AGAP3: variants seen among roughly 807,000 people sequenced by gnomAD.
The protein encoded by AGAP3 is arf-GAP with GTPase, ANK repeat and PH domain-containing protein 3.
A neutral mutation model predicts 96.9 loss-of-function variants in AGAP3; 24 were observed. That is an observed-to-expected ratio of 0.25 (90% CI 0.18 to 0.35). AGAP3 has a LOEUF of 0.35. Ranked by LOEUF, AGAP3 falls within the 10% of genes least tolerant of loss-of-function variation. The pLI is 1.00. For synonymous variants in AGAP3, 563 were observed against 536.1 expected (o/e 1.05, Z -0.69); for missense variants, 876 against 1,254.2 (o/e 0.70, Z 4.55).
chr7:151,134,688 C>A, intron 11 of AGAP3, 120 bp downstream of exon 11: 1 of 1,052,316 alleles, frequency 9.5e-7, no homozygotes. Flanking sequence ...CATCACACTT[C>A]AAGGTCATCT....
chr7:151,089,544 G>A (rs1324044358), intron 1 of AGAP3, among the ~76,000 whole-genome samples: 5 of 152,184 alleles, frequency 3.3e-5, no homozygotes, highest in Non-Finnish European at 7.3e-5. Context: ...AGCTCTGAAG[G>A]TGACGTGGGA....
intron 1 of AGAP3, among the ~76,000 whole-genome samples, chr7:151,104,990 C>T (rs961243185): frequency 1.1e-4 from 16 of 152,132 alleles, no homozygotes; most frequent in African/African-American, 3.1e-4. Context: ...TGAACTGCAG[C>T]GTGAGCAGGA....
In AGAP3 at chr7:151,118,062, A is replaced by T. The variant is rs2150471999; in HGVS notation, c.707-148A>T. The T allele has an allele frequency of 8.8e-7, 1 of 1,130,820 alleles. No homozygotes were observed. Among genetic ancestry groups the T allele is most frequent in the Non-Finnish European group, 1.2e-6 (1 of 804,068 alleles). 70.0% of individuals were successfully genotyped at this position (1,130,820 alleles called of 1,614,324 possible). A position where few individuals can be genotyped will look rare whatever the true frequency, so the allele number is the denominator to read the frequency against. On this transcript the variant is annotated intron_variant, in intron 5 of 17. Coordinates refer to ENST00000397238, the MANE Select transcript of AGAP3 (RefSeq NM_031946.7). The surrounding 1 kb of genome is among the most constrained non-coding windows in gnomAD (Gnocchi z 6.1). The stretch of plus-strand genomic sequence containing the variant: ...CTCAGTGAGGCCATGGAAGGGTTGA[A>T]ATGAGACCCAGGCACCCGCGTTCTT...
rs1349360818 is a variant in AGAP3 at position 151,140,714 on chromosome 7, A to G, written c.1804+598A>G. 6.6e-6 allele frequency: 1 copy of G among 152,170 alleles called. No homozygotes were observed. The highest frequency in any genetic ancestry group is 1.5e-5 in the Non-Finnish European group (1 of 68,050). 9.4% of individuals were successfully genotyped at this position (152,170 alleles called of 1,614,324 possible). The stretch of plus-strand genomic sequence containing the variant: ...ATAATTTCTCACTTCTGCTCTAATC[A>G]TCAGGGTAGACGTATGGGTCAGGGG... On this transcript the variant is annotated intron_variant, in intron 13 of 17. Coordinates refer to ENST00000397238, the MANE Select transcript of AGAP3 (RefSeq NM_031946.7). The surrounding 1 kb of genome is among the most constrained non-coding windows in gnomAD (Gnocchi z 5.4).
intron 1 of AGAP3, among the ~76,000 whole-genome samples, chr7:151,115,885 G>T (rs906211692): frequency 3.7e-4 from 56 of 152,216 alleles, no homozygotes; most frequent in African/African-American, 1.4e-3. Context: ...AGAGGGCTCT[G>T]GGCTAGGCCA....
In AGAP3 at chr7:151,116,870, C is replaced by T. The variant is rs745318269; in HGVS notation, c.390+19C>T. 1.1e-5 allele frequency: 17 copies of T among 1,612,578 alleles called. 1 individual carries two copies. The South Asian group carries it at 1.6e-4, about 16-fold the overall frequency. On this transcript the variant is annotated intron_variant, in intron 2 of 17. Coordinates refer to ENST00000397238, the MANE Select transcript of AGAP3 (RefSeq NM_031946.7). ...TAAAGTGGTGAGTGTGGCCCATGGGCAGCACCGGCGGCCTGGAGCTGGGGG... is the reference window on the plus strand; with the variant it reads ...TAAAGTGGTGAGTGTGGCCCATGGGTAGCACCGGCGGCCTGGAGCTGGGGG...
intron 7 of AGAP3, among the ~76,000 whole-genome samples, chr7:151,119,747 C>T (rs1224478842): frequency 2.0e-5 from 3 of 152,162 alleles, no homozygotes; most frequent in Admixed American, 6.5e-5. Flanking sequence ...GCACTCCTGC[C>T]GGGGCCCCAG....
At chr7:151,115,306 C>T in intron 1 of AGAP3, 1 of 1,005,640 alleles carries the variant, frequency 9.9e-7, no homozygotes, top group Admixed American at 6.0e-5. Context: ...CCGGAGGGGC[C>T]CCGGCGCGGC....
chr7:151,117,287 C>G, intron 3 of AGAP3, 84 bp from the exon 4 acceptor site: 1 of 1,597,218 alleles, frequency 6.3e-7, no homozygotes, highest in Non-Finnish European at 8.6e-7. Context: ...GTCCTCTTCC[C>G]TCCCGCATGG....
At position 151,114,886 on chromosome 7, in the gene AGAP3, C is replaced by T. The variant is rs1384913976; in HGVS notation, c.332-1907C>T. On this transcript the variant is annotated intron_variant, in intron 1 of 17. Transcript: ENST00000397238. This position sits in a 1 kb window ranked among gnomAD's most constrained non-coding sequence, Gnocchi z 4.4. ...CTGCACGGCGCCTCGGCCGGCCGCGCTGCCGCCGCCCTGCAGGCCGCCCTC... is the reference window on the plus strand; with the variant it reads ...CTGCACGGCGCCTCGGCCGGCCGCGTTGCCGCCGCCCTGCAGGCCGCCCTC... The T allele has an allele frequency of 2.0e-5, 20 of 1,005,676 alleles. No homozygotes were observed. Among genetic ancestry groups the T allele is most frequent in the Non-Finnish European group, 2.4e-5 (20 of 846,234 alleles). The allele number at this position is 1,005,676 out of a possible 1,614,324, so 62.3% of individuals were successfully genotyped here.
intron 9 of AGAP3, 70 bp downstream of exon 9, chr7:151,123,956 C>G: frequency 6.7e-7 from 1 of 1,482,662 alleles, no homozygotes; most frequent in Non-Finnish European, 9.2e-7. Context: ...TTCCCAGGGC[C>G]TCTTCTCAGG....
intron 11 of AGAP3, chr7:151,136,571 A>G (rs888891279): frequency 6.6e-6 from 1 of 152,266 alleles, no homozygotes; most frequent in African/African-American, 2.4e-5. Context: ...GGACTAATTG[A>G]TGGCTCCATG....
chr7:151,097,643 G>T (rs1192488324), intron 1 of AGAP3, among the ~76,000 whole-genome samples: 1 of 152,044 alleles, frequency 6.6e-6, no homozygotes, highest in Non-Finnish European at 1.5e-5. Context: ...TTTTACGGGT[G>T]GCAGAAAGCA....
intron 1 of AGAP3, among the ~76,000 whole-genome samples, chr7:151,089,329 T>C (rs1040702145): frequency 5.3e-5 from 8 of 152,074 alleles, no homozygotes; most frequent in African/African-American, 1.9e-4. Flanking sequence ...CCGAGCACAG[T>C]CTGAGGCTGG....
intron 1 of AGAP3, among the ~76,000 whole-genome samples, chr7:151,088,486 AT>A (rs1585027204): frequency 6.6e-6 from 1 of 152,152 alleles, no homozygotes; most frequent in East Asian, 1.9e-4. Flanking sequence ...GAGATGACCA[AT>A]TTTTCCTCTT....
intron 1 of AGAP3, among the ~76,000 whole-genome samples, chr7:151,104,691 A>G (rs1798971463): frequency 6.6e-6 from 1 of 152,224 alleles, no homozygotes; most frequent in South Asian, 2.1e-4. Context: ...GAGCAGGAGA[A>G]GGGATTGCTA....
At chr7:151,115,060 C>T (rs1166906165) in intron 1 of AGAP3, 24 of 1,012,606 alleles carry the variant, frequency 2.4e-5, no homozygotes, top group South Asian at 3.8e-5. Flanking sequence ...CCGCCCGTCT[C>T]GCCTGCGCCC....
In AGAP3 at chr7:151,140,295, A is replaced by G. The variant is rs1224247090; in HGVS notation, c.1804+179A>G. The G allele has an allele frequency of 8.9e-6, 6 of 676,602 alleles. No homozygotes were observed. Among genetic ancestry groups the G allele is most frequent in the Non-Finnish European group, 1.3e-5 (6 of 476,560 alleles). The allele number at this position is 676,602 out of a possible 1,614,324, so 41.9% of individuals were successfully genotyped here. On this transcript the variant is annotated intron_variant, in intron 13 of 17. Coordinates refer to ENST00000397238, the MANE Select transcript of AGAP3 (RefSeq NM_031946.7). This position sits in a 1 kb window ranked among gnomAD's most constrained non-coding sequence, Gnocchi z 5.4. ...TGGTAATCTAGACCTGGTATCTTAG[A>G]AAAGTTCTTCTGATAACTGAAACCC...
At chr7:151,102,562 G>C (rs1212122922) in intron 1 of AGAP3, among the ~76,000 whole-genome samples, 1 of 138,876 alleles carries the variant, frequency 7.2e-6, no homozygotes, top group Non-Finnish European at 1.5e-5. Flanking sequence ...AAGAGTTCAA[G>C]ACCAGCCTAG....
Sources: allele counts gnomAD v4.1 joint callset (sites outside exome capture counted in the v4.1 genomes callset), GRCh38; gene constraint gnomAD v4.1.1; non-coding constraint Gnocchi (gnomAD v3.1); transcripts MANE v1.5; gene names NCBI Gene and HGNC (gene_info 2026-07-23, HGNC 2026-07-21).